ALOX5: variants seen among roughly 807,000 people sequenced by gnomAD.
ALOX5 encodes polyunsaturated fatty acid 5-lipoxygenase.
Under a neutral mutation model 87.9 loss-of-function variants are expected in ALOX5, and 64 were observed. That is an observed-to-expected ratio of 0.73 (90% CI 0.60 to 0.90). The LOEUF (loss-of-function observed/expected upper bound fraction) is 0.90, where lower values mean the gene tolerates loss of function less well. Ranked by LOEUF, ALOX5 falls within the 40% of genes least tolerant of loss-of-function variation. The probability of loss-of-function intolerance (pLI) is 0.00; values close to 1 mark genes in which losing one functional copy is unlikely to be tolerated. For synonymous variants in ALOX5, 388 were observed against 355.1 expected, an observed-to-expected ratio of 1.09 and a Z score of -1.04; for missense variants, 822 against 907.5, an observed-to-expected ratio of 0.91 and a Z score of 1.21.
chr10:45,432,654 T>C (rs907137681), intron 7 of ALOX5, among the ~76,000 whole-genome samples: 1 of 152,196 alleles, frequency 6.6e-6, no homozygotes, highest in African/African-American at 2.4e-5. Context: ...AATCTCATCA[T>C]GTAGAGGAGT....
At chr10:45,429,037 C>T (rs759572034) in intron 7 of ALOX5, among the ~76,000 whole-genome samples, 1 of 152,214 alleles carries the variant, frequency 6.6e-6, no homozygotes, top group South Asian at 2.1e-4. Context: ...GACCAAGGGC[C>T]CCCAGTCAAG....
Position 45,445,904 on chromosome 10 carries a change from G to A in ALOX5, c.*217G>A, listed in dbSNP as rs963889844. 1.1e-4 allele frequency: 56 copies of A among 502,132 alleles called. No individual in the cohort carries two copies. Among genetic ancestry groups the A allele is most frequent in the Non-Finnish European group, 1.5e-4 (44 of 288,780 alleles). 31.1% of individuals were successfully genotyped at this position (502,132 alleles called of 1,614,324 possible). ...TCTACACAGAGCAGGACTGCACAGC[G>A]TCCTGTCCACACCCAGCTCAGCATT... On this transcript the variant is annotated 3_prime_UTR_variant, in exon 14 of 14. Coordinates refer to ENST00000374391, the MANE Select transcript of ALOX5 (RefSeq NM_000698.5).
chr10:45,386,259 C>T (rs1288838019), intron 2 of ALOX5, among the ~76,000 whole-genome samples: 1 of 151,362 alleles, frequency 6.6e-6, no homozygotes, highest in African/African-American at 2.4e-5. Context: ...TGAGATCATG[C>T]CACTGTACCC....
intron 4 of ALOX5, among the ~76,000 whole-genome samples, chr10:45,417,273 A>G (rs1327767352): frequency 6.6e-6 from 1 of 151,988 alleles, no homozygotes; most frequent in Non-Finnish European, 1.5e-5. Flanking sequence ...ATGGTTCTCA[A>G]TCCTGTGTGT....
Position 45,374,408 on chromosome 10 carries a change from C to A in ALOX5, c.129C>A (p.Tyr43Ter). The change falls in exon 1 of 14, where the codon TAC becomes TAA. Residue 43 changes from tyrosine to a stop codon, truncating the protein, a stop_gained. Transcript: ENST00000374391. LOFTEE classifies it high-confidence loss of function. ...SEKHLLDKPF[Y>*]NDFERGAVDS... The stretch of plus-strand genomic sequence containing the variant: ...AGCACCTGCTGGACAAGCCCTTCTA[C>A]AACGACTTCGAGCGTGGCGCGGTGA... 1 of 1,563,398 alleles carries A rather than the reference C, an allele frequency of 6.4e-7. No homozygotes were observed. The highest frequency in any genetic ancestry group is 8.6e-7 in the Non-Finnish European group (1 of 1,159,790).
At chr10:45,444,613 A>G (rs1361752753) in intron 13 of ALOX5, 1 of 345,408 alleles carries the variant, frequency 2.9e-6, no homozygotes, top group African/African-American at 2.1e-5. Context: ...GGAATGACCA[A>G]GAGTTTCCTG....
intron 7 of ALOX5, among the ~76,000 whole-genome samples, chr10:45,438,647 C>T (rs537760433): frequency 6.6e-6 from 1 of 152,324 alleles, no homozygotes; most frequent in Admixed American, 6.5e-5. Flanking sequence ...GCCCAGGCAT[C>T]TCATGCAAAC....
intron 2 of ALOX5, among the ~76,000 whole-genome samples, chr10:45,384,244 C>T (rs1390441267): frequency 6.6e-6 from 1 of 152,170 alleles, no homozygotes; most frequent in African/African-American, 2.4e-5. Flanking sequence ...TACACATTCC[C>T]TCCTTTCTGG....
intron 3 of ALOX5, among the ~76,000 whole-genome samples, chr10:45,407,704 GTC>G (rs1461062602): frequency 1.3e-5 from 2 of 152,266 alleles, no homozygotes; most frequent in Non-Finnish European, 1.5e-5. Flanking sequence ...AATGCAGGGA[GTC>G]TGCATTTTAC....
At chr10:45,375,465 C>T (rs1043314936) in intron 1 of ALOX5, among the ~76,000 whole-genome samples, 13 of 152,324 alleles carry the variant, frequency 8.5e-5, no homozygotes, top group Non-Finnish European at 1.8e-4. Flanking sequence ...TTCCACCCCA[C>T]CCCAGCTCCT....
intron 4 of ALOX5, among the ~76,000 whole-genome samples, chr10:45,421,518 C>G (rs546462692): frequency 1.3e-5 from 2 of 152,356 alleles, no homozygotes; most frequent in East Asian, 3.9e-4. Context: ...AGACTGACAC[C>G]AGATGCTACA....
chr10:45,422,971 G>A (rs1433871419), intron 4 of ALOX5, among the ~76,000 whole-genome samples: 8 of 152,110 alleles, frequency 5.3e-5, no homozygotes, highest in Admixed American at 3.9e-4. Context: ...ATAAGCCCTC[G>A]GTGCCTTCCT....
intron 2 of ALOX5, among the ~76,000 whole-genome samples, chr10:45,384,387 C>G (rs1486058860): frequency 6.6e-6 from 1 of 152,152 alleles, no homozygotes; most frequent in East Asian, 1.9e-4. Flanking sequence ...AACCAACCTC[C>G]TTGGTAACTT....
At chr10:45,394,509 A>C (rs985964154) in intron 2 of ALOX5, among the ~76,000 whole-genome samples, 2 of 152,262 alleles carry the variant, frequency 1.3e-5, no homozygotes, top group Non-Finnish European at 2.9e-5. Flanking sequence ...ACCCTAGAGG[A>C]AAACCTAGGC....
chr10:45,408,496 G>A (rs1013387142), intron 3 of ALOX5, among the ~76,000 whole-genome samples: 6 of 152,208 alleles, frequency 3.9e-5, no homozygotes, highest in African/African-American at 1.4e-4. Context: ...TGGAAACAAA[G>A]TTTTTTATCA....
rs1053608647 is a variant in ALOX5, at chr10:45,428,338, C to T, written c.835-280C>T. 3.8e-5 allele frequency: 19 copies of T among 500,550 alleles called. 1 individual carries two copies. In the East Asian group the frequency reaches 6.0e-4, roughly 16 times the overall value. The allele number at this position is 500,550 out of a possible 1,614,324, so 31.0% of individuals were successfully genotyped here. Reference sequence around the variant, plus strand: ...CTTCTTAGTAAACTGACACTCGGGTCGGTCTCTCATCTTTCGTGCCAGTCA... The same window carrying T: ...CTTCTTAGTAAACTGACACTCGGGTTGGTCTCTCATCTTTCGTGCCAGTCA... On this transcript the variant is annotated intron_variant, in intron 6 of 13. Transcript: ENST00000374391.
At chr10:45,423,949 GT>G in intron 4 of ALOX5, 91 bp from the exon 5 acceptor site, 1 of 995,440 alleles carries the variant, frequency 1.0e-6, no homozygotes. Context: ...GGGGGCGGGG[GT>G]TGTGAGGACC....
intron 3 of ALOX5, among the ~76,000 whole-genome samples, chr10:45,399,650 T>C (rs1840629388): frequency 6.6e-6 from 1 of 152,128 alleles, no homozygotes; most frequent in African/African-American, 2.4e-5. Flanking sequence ...TTAGATGTCA[T>C]TAAAATGTAA....
intron 3 of ALOX5, among the ~76,000 whole-genome samples, chr10:45,410,022 G>T (rs922018535): frequency 2.0e-5 from 3 of 152,246 alleles, no homozygotes; most frequent in African/African-American, 4.8e-5. Flanking sequence ...TTCCACATCC[G>T]TCCAAGTGGA....
Sources: allele counts gnomAD v4.1 joint callset (sites outside exome capture counted in the v4.1 genomes callset), GRCh38; gene constraint gnomAD v4.1.1; transcripts MANE v1.5; gene names NCBI Gene and HGNC (gene_info 2026-07-23, HGNC 2026-07-21).